The following GRID2 variants were observed in gnomAD, a reference collection of about 807,000 sequenced individuals.
The protein encoded by GRID2 is glutamate receptor ionotropic, delta-2.
Under a neutral mutation model 114.8 loss-of-function variants are expected in GRID2, and 33 were observed. That is an observed-to-expected ratio of 0.29 (90% CI 0.22 to 0.38). The LOEUF is 0.38. Ranked by LOEUF, GRID2 falls within the 10% of genes least tolerant of loss-of-function variation. The pLI is 1.00. For synonymous variants in GRID2, 505 were observed against 449.9 expected (o/e 1.12, Z -1.55); for missense variants, 1,184 against 1,257.7 (o/e 0.94, Z 0.89).
chr4:93,757,867 G>A (rs1732886069), intron 14 of GRID2, among the ~76,000 whole-genome samples: 1 of 152,162 alleles, frequency 6.6e-6, no homozygotes, highest in Non-Finnish European at 1.5e-5. Context: ...TGAGGCAGGA[G>A]AATTGCTTGA....
intron 2 of GRID2, among the ~76,000 whole-genome samples, chr4:92,974,063 G>A (rs1297317100): frequency 2.0e-5 from 3 of 152,180 alleles, no homozygotes; most frequent in South Asian, 2.1e-4. Flanking sequence ...AGACATTTAT[G>A]CAACCAACAG....
At chr4:92,680,965 A>G (rs1442465230) in intron 2 of GRID2, among the ~76,000 whole-genome samples, 1 of 152,220 alleles carries the variant, frequency 6.6e-6, no homozygotes, top group African/African-American at 2.4e-5. Flanking sequence ...AAAACAATAT[A>G]GAAAGAAAAA....
At chr4:92,852,606 AT>A (rs1292561088) in intron 2 of GRID2, among the ~76,000 whole-genome samples, 2 of 151,850 alleles carry the variant, frequency 1.3e-5, no homozygotes, top group African/African-American at 2.4e-5. Flanking sequence ...AAATGCAATG[AT>A]TTTTTTCCAC....
At chr4:92,395,446 T>A (rs1730446932) in intron 1 of GRID2, among the ~76,000 whole-genome samples, 1 of 151,792 alleles carries the variant, frequency 6.6e-6, no homozygotes, top group Non-Finnish European at 1.5e-5. Context: ...CCTTCATTAC[T>A]TAATATCTAT....
At chr4:92,643,823 A>G (rs1731481284) in intron 2 of GRID2, among the ~76,000 whole-genome samples, 1 of 151,772 alleles carries the variant, frequency 6.6e-6, no homozygotes, top group Non-Finnish European at 1.5e-5. Flanking sequence ...GATATTTTAC[A>G]TTTGGTGAAA....
chr4:92,485,199 C>T (rs1722803307), intron 1 of GRID2, among the ~76,000 whole-genome samples: 1 of 149,822 alleles, frequency 6.7e-6, no homozygotes, highest in African/African-American at 2.4e-5. Flanking sequence ...GGGAAGGAAT[C>T]AGTGAGAATA....
intron 1 of GRID2, among the ~76,000 whole-genome samples, chr4:93,790,093 ACC>A (rs2110357866): frequency 5.0e-5 from 1 of 19,836 alleles, no homozygotes; most frequent in South Asian, 1.5e-3. Flanking sequence ...ACCTCCTCCC[ACC>A]CCATCTGTCA....
chr4:93,606,704 G>A (rs1171855900), intron 13 of GRID2, among the ~76,000 whole-genome samples: 1 of 152,190 alleles, frequency 6.6e-6, no homozygotes, highest in African/African-American at 2.4e-5. Context: ...ATATTATTCA[G>A]TTTAAAGTTA....
At chr4:92,824,281 T>A (rs998692066) in intron 2 of GRID2, among the ~76,000 whole-genome samples, 3 of 152,180 alleles carry the variant, frequency 2.0e-5, no homozygotes, top group East Asian at 3.9e-4. Flanking sequence ...TCATTACTTG[T>A]GTATTTGAAA....
At chr4:93,350,609 G>C (rs1760707324) in intron 8 of GRID2, among the ~76,000 whole-genome samples, 1 of 151,860 alleles carries the variant, frequency 6.6e-6, no homozygotes, top group African/African-American at 2.4e-5. Flanking sequence ...CTGCCTGTTT[G>C]AGTATCTTCT....
intron 13 of GRID2, among the ~76,000 whole-genome samples, chr4:93,613,717 C>A (rs1741238403): frequency 6.8e-6 from 1 of 147,364 alleles, no homozygotes; most frequent in Admixed American, 6.8e-5. Context: ...CTCTTCAAAG[C>A]TGTCAGACAG....
intron 14 of GRID2, among the ~76,000 whole-genome samples, chr4:93,726,461 A>T (rs1045334117): frequency 6.6e-6 from 1 of 152,150 alleles, no homozygotes; most frequent in African/African-American, 2.4e-5. Flanking sequence ...TTGACTTGGC[A>T]ATGCAGGCTC....
chr4:93,322,219 C>T (rs1757305776), intron 8 of GRID2, among the ~76,000 whole-genome samples: 1 of 151,982 alleles, frequency 6.6e-6, no homozygotes, highest in African/African-American at 2.4e-5. Flanking sequence ...ACAACAGGCC[C>T]CAGTGTGTGA....
chr4:92,822,475 A>G (rs970685684), intron 2 of GRID2: 2 of 448,608 alleles, frequency 4.5e-6, no homozygotes, highest in Non-Finnish European at 8.7e-6. Flanking sequence ...GACATAAGAC[A>G]CCTACTCTGA....
At chr4:92,672,368 C>G (rs1429724501) in intron 2 of GRID2, among the ~76,000 whole-genome samples, 1 of 152,120 alleles carries the variant, frequency 6.6e-6, no homozygotes, top group Non-Finnish European at 1.5e-5. Context: ...ATTACTACAT[C>G]TGAATTTACA....
chr4:92,601,505 C>A (rs772119739), intron 2 of GRID2, among the ~76,000 whole-genome samples: 18 of 152,068 alleles, frequency 1.2e-4, no homozygotes, highest in African/African-American at 4.3e-4. Context: ...AGAAAACATA[C>A]CAGATTCTCT....
At chr4:93,686,165 C>T (rs1396885714) in intron 14 of GRID2, among the ~76,000 whole-genome samples, 2 of 151,956 alleles carry the variant, frequency 1.3e-5, no homozygotes, top group Admixed American at 6.6e-5. Context: ...TCTTAGTTCA[C>T]CGAATTCATC....
intron 1 of GRID2, among the ~76,000 whole-genome samples, chr4:92,484,176 T>A (rs1425413876): frequency 6.6e-6 from 1 of 152,166 alleles, no homozygotes; most frequent in Non-Finnish European, 1.5e-5. Flanking sequence ...ACCTAATGTT[T>A]CTATTCATTT....
intron 2 of GRID2, among the ~76,000 whole-genome samples, chr4:92,677,990 T>C (rs1456636091): frequency 1.3e-5 from 2 of 152,114 alleles, no homozygotes; most frequent in African/African-American, 4.8e-5. Context: ...CCATGCCACA[T>C]TGACCTCATT....
Sources: gnomAD v4.1 joint callset for allele counts (sites outside exome capture counted in the v4.1 genomes callset) on GRCh38, gnomAD v4.1.1 for gene constraint, MANE v1.5 for transcripts, NCBI Gene and HGNC (gene_info 2026-07-23, HGNC 2026-07-21) for gene names.